Variants in ZNF708 observed in about 807,000 individuals in gnomAD.
ZNF708 encodes the protein zinc finger protein 708, also known as ZNF15, ZNF15L1.
In ZNF708, 44 loss-of-function variants were observed where a neutral mutation model predicts 47.0. The observed-to-expected ratio is 0.94, with a 90% CI of 0.74 to 1.20. ZNF708 has a LOEUF of 1.20. ZNF708 is among the 50% of genes most tolerant of loss of function. The probability of loss-of-function intolerance (pLI) is 0.00; values close to 1 mark genes in which losing one functional copy is unlikely to be tolerated. For missense variants in ZNF708, 557 were observed against 656.0 expected (o/e 0.85, Z 1.65); for synonymous variants, 184 against 218.5 (o/e 0.84, Z 1.39).
Position 21,310,639 on chromosome 19 carries a change from A to G in ZNF708, c.4-12T>C, listed in dbSNP as rs748706442. ...AATGTCAATGGTCCCTGAAAAACAC[A>G]TACACACACACATATTTACCAAGTG... On this transcript the variant is annotated splice_polypyrimidine_tract_variant and intron_variant, in intron 1 of 3. Coordinates refer to ENST00000356929, the MANE Select transcript of ZNF708 (RefSeq NM_021269.3). 4.0e-6 allele frequency: 6 copies of G among 1,490,444 alleles called. No homozygotes were observed. The highest frequency in any genetic ancestry group is 5.4e-6 in the Non-Finnish European group (6 of 1,118,682). 92.3% of individuals were successfully genotyped at this position (1,490,444 alleles called of 1,614,324 possible). A position where few individuals can be genotyped will look rare whatever the true frequency, so the allele number is the denominator to read the frequency against.
chr19:21,313,305 A>T (rs1252442133), intron 1 of ZNF708, among the ~76,000 whole-genome samples: 2 of 151,016 alleles, frequency 1.3e-5, no homozygotes, highest in African/African-American at 4.9e-5. Context: ...AAAAAAAAAA[A>T]GTATGTTACA....
rs1454312950 is a variant in ZNF708, at chr19:21,309,353, AAAAT to A, written c.131-16_131-13del. 1.9e-6 allele frequency: 3 copies of A among 1,561,818 alleles called. No individual in the cohort carries two copies. Among genetic ancestry groups the A allele is most frequent in the African/African-American group, 2.8e-5 (2 of 72,436 alleles). ...AGACACAGCAATACCTGTTTTATTA[AAAAT>A]AAATAACGTGAATCTTGCTCATATT... On this transcript the variant is annotated splice_polypyrimidine_tract_variant and intron_variant, in intron 2 of 3. Coordinates refer to ENST00000356929, the MANE Select transcript of ZNF708 (RefSeq NM_021269.3).
chr19:21,300,009 TA>T (rs1421065128), intron 3 of ZNF708, among the ~76,000 whole-genome samples: 3 of 151,802 alleles, frequency 2.0e-5, no homozygotes, highest in Non-Finnish European at 2.9e-5. Flanking sequence ...ATACACAAGT[TA>T]TAACAAAAAT....
At chr19:21,323,566 T>C (rs1599691999) in intron 1 of ZNF708, among the ~76,000 whole-genome samples, 1 of 152,344 alleles carries the variant, frequency 6.6e-6, no homozygotes, top group East Asian at 1.9e-4. Context: ...GACCTTGTAG[T>C]TGGTACTTCT....
chr19:21,302,990 A>G (rs1432164374), intron 3 of ZNF708, among the ~76,000 whole-genome samples: 1 of 152,122 alleles, frequency 6.6e-6, no homozygotes, highest in African/African-American at 2.4e-5. Flanking sequence ...AGAAAGAAAC[A>G]TAATCCTAGG....
At chr19:21,308,367 C>T (rs543927615) in intron 3 of ZNF708, among the ~76,000 whole-genome samples, 1 of 151,798 alleles carries the variant, frequency 6.6e-6, no homozygotes, top group African/African-American at 2.4e-5. Flanking sequence ...GCAACCTCTG[C>T]CTCCCGGGTT....
chr19:21,292,167 G>C lies in ZNF708; in HGVS notation c.*1107C>G, dbSNP rs1008790264. ...CTGCCTCAGCGTCCCAAGTAGCTGA[G>C]ACTACAGGCACGTGCCGCCACGCCC... On this transcript the variant is annotated 3_prime_UTR_variant, in exon 4 of 4. Coordinates refer to ENST00000356929, the MANE Select transcript of ZNF708 (RefSeq NM_021269.3). 3.9e-5 allele frequency: 6 copies of C among 152,162 alleles called. No individual in the cohort carries two copies. Among genetic ancestry groups the C allele is most frequent in the African/African-American group, 1.2e-4 (5 of 41,454 alleles). 9.4% of individuals were successfully genotyped at this position (152,162 alleles called of 1,614,324 possible). A position where few individuals can be genotyped will look rare whatever the true frequency, so the allele number is the denominator to read the frequency against.
chr19:21,325,393 G>C lies in ZNF708; in HGVS notation c.3+3817C>G, dbSNP rs1420585915. Among the ~76,000 whole-genome samples, 6 of 152,112 alleles carry C rather than the reference G, an allele frequency of 3.9e-5. No homozygotes were observed. The East Asian group carries it at 5.8e-4, about 15-fold the overall frequency. On this transcript the variant is annotated intron_variant, in intron 1 of 3. Transcript: ENST00000356929. ...ACATAGACCAATGGAACAGAATAGAGAACCCAGAAATAAACCCAAATACTT... is the reference window on the plus strand; with the variant it reads ...ACATAGACCAATGGAACAGAATAGACAACCCAGAAATAAACCCAAATACTT...
At chr19:21,312,718 C>G (rs1404705191) in intron 1 of ZNF708, among the ~76,000 whole-genome samples, 1 of 152,030 alleles carries the variant, frequency 6.6e-6, no homozygotes, top group East Asian at 1.9e-4. Flanking sequence ...TAAACAAGAC[C>G]CCTGTCAATG....
At chr19:21,308,078 TAA>T (rs1253444680) in intron 3 of ZNF708, among the ~76,000 whole-genome samples, 2 of 152,006 alleles carry the variant, frequency 1.3e-5, no homozygotes, top group African/African-American at 4.8e-5. Context: ...ATAAAAGATA[TAA>T]GATTTCAATG....
At chr19:21,313,287 CAAAAA>C (rs34027483) in intron 1 of ZNF708, among the ~76,000 whole-genome samples, 1 of 89,862 alleles carries the variant, frequency 1.1e-5, no homozygotes. Flanking sequence ...GACCCTGTCT[CAAAAA>C]AAAAAAAAAA....
chr19:21,326,284 T>A (rs1329162874), intron 1 of ZNF708, among the ~76,000 whole-genome samples: 2 of 152,176 alleles, frequency 1.3e-5, no homozygotes, highest in Non-Finnish European at 2.9e-5. Flanking sequence ...AGTGGCACAT[T>A]TCACAATAGC....
At chr19:21,297,595 T>C (rs1972566174) in intron 3 of ZNF708, among the ~76,000 whole-genome samples, 1 of 128,688 alleles carries the variant, frequency 7.8e-6, no homozygotes, top group Non-Finnish European at 1.7e-5. Context: ...ATAGAATTAA[T>C]AAAATTACAT....
intron 1 of ZNF708, among the ~76,000 whole-genome samples, chr19:21,317,654 G>T (rs2968056): frequency 7.9e-5 from 12 of 152,340 alleles, no homozygotes; most frequent in African/African-American, 2.6e-4. Context: ...ACCAGAATGT[G>T]ACATGCATCA....
intron 3 of ZNF708, among the ~76,000 whole-genome samples, chr19:21,294,970 C>A: frequency 6.6e-6 from 1 of 151,432 alleles, no homozygotes; most frequent in East Asian, 1.9e-4. Context: ...ATGCAAAGAG[C>A]CACATAGGAG....
At chr19:21,320,904 G>A (rs1001192935) in intron 1 of ZNF708, among the ~76,000 whole-genome samples, 13 of 151,916 alleles carry the variant, frequency 8.6e-5, no homozygotes, top group African/African-American at 2.4e-4. Context: ...CACTTTGGGA[G>A]GCCGAGGCGG....
At chr19:21,317,113 A>G (rs1973030438) in intron 1 of ZNF708, among the ~76,000 whole-genome samples, 1 of 105,362 alleles carries the variant, frequency 9.5e-6, no homozygotes, top group Non-Finnish European at 1.9e-5. Context: ...CTCTACTACA[A>G]ATACAAAAAA....
rs780674195 is a variant in ZNF708 at position 21,294,482 on chromosome 19, GTCTTA to G, written c.479_483del (p.Ile160ThrfsTer10). 28 of 1,613,972 alleles carry G rather than the reference GTCTTA, an allele frequency of 1.7e-5. No homozygotes were observed. In the Admixed American group the frequency reaches 2.0e-4, roughly 12 times the overall value. On this transcript the variant is annotated frameshift_variant, in exon 4 of 4. Transcript: ENST00000356929. LOFTEE classifies it high-confidence loss of function. ...CATTTGAAAGGATTTTTTCCAGTAT[GTCTTA>G]TCTTATGTCTCTTTGCATTTGAATA...
rs1599673303 is a variant in ZNF708 at position 21,302,158 on chromosome 19, A to T, written c.226+7088T>A. 2.0e-5 allele frequency among the ~76,000 whole-genome samples: 3 copies of T among 152,180 alleles called. No homozygotes were observed. The South Asian group carries it at 6.2e-4, about 32-fold the overall frequency. ...GAAAATTAAAATGATGCTGGCCAGC[A>T]TCATAAAACCATATATAAAATAAAG... On this transcript the variant is annotated intron_variant, in intron 3 of 3. Coordinates refer to ENST00000356929, the MANE Select transcript of ZNF708 (RefSeq NM_021269.3).
Sources: allele counts gnomAD v4.1 joint callset (sites outside exome capture counted in the v4.1 genomes callset), GRCh38; gene constraint gnomAD v4.1.1; transcripts MANE v1.5; gene names NCBI Gene and HGNC (gene_info 2026-07-23, HGNC 2026-07-21).